C1QTNF3: variants seen among roughly 807,000 people sequenced by gnomAD.
C1QTNF3 encodes C1q and TNF related 3.
C1QTNF3 carries 26 observed loss-of-function variants against 32.6 expected under a neutral mutation model. The observed-to-expected ratio is 0.80, with a 90% CI of 0.58 to 1.11. The LOEUF is 1.11. Ranked by LOEUF, C1QTNF3 falls within the 50% of genes least tolerant of loss-of-function variation. The pLI is 0.00. For synonymous variants in C1QTNF3, 155 were observed against 146.0 expected (o/e 1.06, Z -0.44); for missense variants, 362 against 398.2 (o/e 0.91, Z 0.77).
At chr5:34,037,793 C>T (rs1462960140) in intron 1 of C1QTNF3, among the ~76,000 whole-genome samples, 1 of 152,184 alleles carries the variant, frequency 6.6e-6, no homozygotes, top group African/African-American at 2.4e-5. Flanking sequence ...GATTTCAGGA[C>T]ACTTGGAAAG....
chr5:34,239,997 A>G, the C1QTNF3 span, among the ~76,000 whole-genome samples: 43,794 of 152,026 alleles, frequency 0.29, 6,690 homozygotes, highest in East Asian at 0.49. Flanking sequence ...CACTACACAA[A>G]TAGATGAAAA....
chr5:34,033,797 A>C (rs1251922002), intron 2 of C1QTNF3, among the ~76,000 whole-genome samples: 1 of 152,242 alleles, frequency 6.6e-6, no homozygotes, highest in East Asian at 1.9e-4. Context: ...ACTATGTTAT[A>C]TAGTCATAAA....
At chr5:34,176,347 T>G in the C1QTNF3 span, among the ~76,000 whole-genome samples, 1 of 150,726 alleles carries the variant, frequency 6.6e-6, no homozygotes, top group East Asian at 2.0e-4. Context: ...GGCACATGTA[T>G]ACGTATGTAA....
At chr5:34,197,131 A>C in the C1QTNF3 span, among the ~76,000 whole-genome samples, 1 of 152,428 alleles carries the variant, frequency 6.6e-6, no homozygotes, top group African/African-American at 2.4e-5. Flanking sequence ...GTTAAGTAAA[A>C]CGTTCTTTAA....
intron 3 of C1QTNF3, among the ~76,000 whole-genome samples, chr5:34,029,461 A>G (rs1471063401): frequency 6.6e-6 from 1 of 152,210 alleles, no homozygotes; most frequent in African/African-American, 2.4e-5. Flanking sequence ...AATGAAATTA[A>G]TTCTTTGAAT....
At chr5:34,102,844 C>A in the C1QTNF3 span, among the ~76,000 whole-genome samples, 3 of 149,022 alleles carry the variant, frequency 2.0e-5, no homozygotes, top group South Asian at 6.7e-4. Context: ...GGGGTGGGGG[C>A]TGGGGGAGGG....
upstream of C1QTNF3, among the ~76,000 whole-genome samples, chr5:34,047,538 C>A (rs1400436628): frequency 6.6e-6 from 1 of 152,154 alleles, no homozygotes; most frequent in Non-Finnish European, 1.5e-5. Flanking sequence ...ACTTAAAGAG[C>A]AGCTAAAGGA....
chr5:34,142,151 G>A, the C1QTNF3 span, among the ~76,000 whole-genome samples: 1 of 152,224 alleles, frequency 6.6e-6, no homozygotes, highest in East Asian at 1.9e-4. Context: ...AACAGAGGCA[G>A]CTGGGCGCAC....
the C1QTNF3 span, among the ~76,000 whole-genome samples, chr5:34,177,386 G>C: frequency 3.3e-5 from 5 of 151,712 alleles, no homozygotes; most frequent in Admixed American, 2.0e-4. Context: ...AATTATGGCA[G>C]ACTGACTGCA....
the C1QTNF3 span, among the ~76,000 whole-genome samples, chr5:34,216,188 CTTGT>C: frequency 6.6e-6 from 1 of 152,210 alleles, no homozygotes; most frequent in East Asian, 1.9e-4. Flanking sequence ...CCTTCATTGT[CTTGT>C]TTAAGTATCT....
At position 34,019,125 on chromosome 5, in the gene C1QTNF3, CA is replaced by C. The variant is rs11429527; in HGVS notation, c.*1457del. 2.8e-3 allele frequency among the ~76,000 whole-genome samples: 410 copies of C among 145,590 alleles called. 1 individual carries two copies. The highest frequency in any genetic ancestry group is 8.5e-3 in the African/African-American group (340 of 39,918). ...CCTGGGCAGCAGCGTGAAACTGTCT[CA>C]AAAAAAAAAAAGATTTAGAATTTGC... On this transcript the variant is annotated 3_prime_UTR_variant, in exon 6 of 6. Transcript: ENST00000382065.
chr5:34,115,352 A>C, the C1QTNF3 span, among the ~76,000 whole-genome samples: 1 of 152,218 alleles, frequency 6.6e-6, no homozygotes, highest in African/African-American at 2.4e-5. Flanking sequence ...GGTGAGAGAC[A>C]CAATTTTAGA....
At chr5:34,055,361 C>T in the C1QTNF3 span, among the ~76,000 whole-genome samples, 2 of 152,190 alleles carry the variant, frequency 1.3e-5, no homozygotes, top group Admixed American at 6.5e-5. Context: ...ACATTGAATC[C>T]CACTACTGTC....
chr5:34,112,285 CCAAT>C, the C1QTNF3 span, among the ~76,000 whole-genome samples: 2 of 152,130 alleles, frequency 1.3e-5, no homozygotes, highest in African/African-American at 4.8e-5. Context: ...TTATTTCCAA[CCAAT>C]CAATTACAAC....
At chr5:34,244,007 A>G in the C1QTNF3 span, among the ~76,000 whole-genome samples, 2 of 152,236 alleles carry the variant, frequency 1.3e-5, no homozygotes, top group Non-Finnish European at 2.9e-5. Flanking sequence ...TTAGAATATA[A>G]TATTTTTTAA....
the C1QTNF3 span, among the ~76,000 whole-genome samples, chr5:34,147,993 G>C: frequency 2.0e-5 from 3 of 152,132 alleles, no homozygotes; most frequent in African/African-American, 7.2e-5. Context: ...AGGCCAGTGT[G>C]TGTGCGCACC....
At position 34,042,920 on chromosome 5, in the gene C1QTNF3, T is replaced by C; in HGVS notation, c.206A>G (p.Asp69Gly). 2 of 1,614,182 alleles carry C rather than the reference T, an allele frequency of 1.2e-6. No homozygotes were observed. The highest frequency in any genetic ancestry group is 2.2e-5 in the East Asian group (1 of 44,882). The change falls in exon 1 of 6, where the codon GAT becomes GGT. Residue 69 changes from aspartate (D) to glycine (G), a missense_variant. Physicochemically the swap from Asp to Gly is moderately conservative, Grantham distance 94. Coordinates refer to ENST00000382065, the MANE Select transcript of C1QTNF3 (RefSeq NM_181435.6). Reference sequence around the variant, plus strand: ...TTTTAGGTCTGTAGAAGTGTTATTATCCACAGTCCCAGTTTTAGGATGGCT... The same window carrying C: ...TTTTAGGTCTGTAGAAGTGTTATTACCCACAGTCCCAGTTTTAGGATGGCT... ...ERSHPKTGTV[D>G]NNTSTDLKSL... is the part of the protein sequence containing the mutation.
the C1QTNF3 span, among the ~76,000 whole-genome samples, chr5:34,114,046 G>A: frequency 6.2e-4 from 94 of 152,158 alleles, no homozygotes; most frequent in African/African-American, 2.1e-3. Flanking sequence ...TTTTTTTTCT[G>A]TCTCAATCTT....
chr5:34,223,613 C>T, the C1QTNF3 span, among the ~76,000 whole-genome samples: 19 of 151,886 alleles, frequency 1.3e-4, no homozygotes, highest in East Asian at 3.9e-4. Context: ...CCACAATGGT[C>T]GAACTAGTTT....
Sources: gnomAD v4.1 joint callset for allele counts (sites outside exome capture counted in the v4.1 genomes callset) on GRCh38, gnomAD v4.1.1 for gene constraint, MANE v1.5 for transcripts, NCBI Gene and HGNC (gene_info 2026-07-23, HGNC 2026-07-21) for gene names.